Variants in SMG6 observed in about 807,000 individuals in gnomAD.
SMG6 encodes SMG6 nonsense mediated mRNA decay factor.
Under a neutral mutation model 142.2 loss-of-function variants are expected in SMG6, and 66 were observed. That is an observed-to-expected ratio of 0.46 (90% CI 0.38 to 0.57). SMG6 has a LOEUF of 0.57. Among genes scored for constraint, SMG6 ranks in the 20% least tolerant of loss-of-function variants. SMG6 has a pLI of 0.00. For synonymous variants in SMG6, 779 were observed against 702.4 expected, an observed-to-expected ratio of 1.11 and a Z score of -1.72; for missense variants, 1,793 against 1,832.0, an observed-to-expected ratio of 0.98 and a Z score of 0.39.
chr17:2,147,333 C>T (rs2070699835), intron 13 of SMG6, among the ~76,000 whole-genome samples: 1 of 151,826 alleles, frequency 6.6e-6, no homozygotes, highest in Non-Finnish European at 1.5e-5. Context: ...GCAGAGGTTG[C>T]AGTGAGCCAG....
At chr17:2,064,065 G>T (rs772148370) in intron 18 of SMG6, among the ~76,000 whole-genome samples, 1 of 152,166 alleles carries the variant, frequency 6.6e-6, no homozygotes, top group African/African-American at 2.4e-5. Flanking sequence ...GAGGGGCTGT[G>T]TCTGTATGGG....
intron 8 of SMG6, among the ~76,000 whole-genome samples, chr17:2,254,445 G>A (rs558601793): frequency 1.3e-5 from 2 of 152,216 alleles, no homozygotes; most frequent in East Asian, 3.9e-4. Context: ...AGCAACAATC[G>A]TGCCTCAGCT....
At chr17:2,211,408 T>C (rs894246743) in intron 10 of SMG6, among the ~76,000 whole-genome samples, 1 of 152,140 alleles carries the variant, frequency 6.6e-6, no homozygotes, top group African/African-American at 2.4e-5. Flanking sequence ...CTCACGCCTG[T>C]AATCCCAGCA....
At chr17:2,178,352 C>G (rs909529056) in intron 12 of SMG6, among the ~76,000 whole-genome samples, 2 of 152,178 alleles carry the variant, frequency 1.3e-5, no homozygotes, top group African/African-American at 4.8e-5. Context: ...ACACCATCCT[C>G]TAAGAATAAG....
At chr17:2,221,494 A>G (rs1320524972) in intron 10 of SMG6, among the ~76,000 whole-genome samples, 1 of 152,206 alleles carries the variant, frequency 6.6e-6, no homozygotes, top group Non-Finnish European at 1.5e-5. Context: ...TCTTTTCTTT[A>G]TAAATTACCC....
chr17:2,127,138 CAAA>C (rs941523968), intron 13 of SMG6, among the ~76,000 whole-genome samples: 3 of 51,256 alleles, frequency 5.9e-5, no homozygotes, highest in African/African-American at 6.8e-5. Context: ...GACCTTGTCT[CAAA>C]AAAAAAAAAA....
intron 13 of SMG6, among the ~76,000 whole-genome samples, chr17:2,108,729 G>A (rs1324672504): frequency 6.6e-6 from 1 of 152,098 alleles, no homozygotes; most frequent in East Asian, 1.9e-4. Flanking sequence ...TCACCTGAGG[G>A]TTAGGAGTTT....
intron 13 of SMG6, among the ~76,000 whole-genome samples, chr17:2,162,704 C>T (rs2071220413): frequency 6.6e-6 from 1 of 152,058 alleles, no homozygotes; most frequent in Admixed American, 6.6e-5. Flanking sequence ...CACTTATATC[C>T]AGTCATCCAT....
intron 6 of SMG6, among the ~76,000 whole-genome samples, chr17:2,286,921 T>C (rs1251040891): frequency 7.3e-6 from 1 of 136,226 alleles, no homozygotes; most frequent in South Asian, 2.3e-4. Context: ...AAACATAAAA[T>C]AATTTTTTTT....
At chr17:2,190,947 T>C (rs1208149293) in intron 10 of SMG6, among the ~76,000 whole-genome samples, 2 of 152,188 alleles carry the variant, frequency 1.3e-5, no homozygotes, top group East Asian at 1.9e-4. Context: ...TGTCTGAGTG[T>C]TGGTCAGGCC....
Position 2,061,403 on chromosome 17 carries a change from C to T in SMG6, c.*89G>A. 1 of 1,319,046 alleles carries T rather than the reference C, an allele frequency of 7.6e-7. No homozygotes were observed. The highest frequency in any genetic ancestry group is 1.0e-6 in the Non-Finnish European group (1 of 967,422). The allele number at this position is 1,319,046 out of a possible 1,614,324, so 81.7% of individuals were successfully genotyped here. A position where few individuals can be genotyped will look rare whatever the true frequency, so the allele number is the denominator to read the frequency against. Reference sequence around the variant, plus strand: ...TTATTGTCTGGGTGGATTGGTGGCTCAGGCACGTGGGCATCTTCCGTGCTA... The same window carrying T: ...TTATTGTCTGGGTGGATTGGTGGCTTAGGCACGTGGGCATCTTCCGTGCTA... On this transcript the variant is annotated 3_prime_UTR_variant, in exon 19 of 19. Coordinates refer to ENST00000263073, the MANE Select transcript of SMG6 (RefSeq NM_017575.5).
chr17:2,137,213 A>T (rs1021814015), intron 13 of SMG6, among the ~76,000 whole-genome samples: 1 of 152,136 alleles, frequency 6.6e-6, no homozygotes, highest in African/African-American at 2.4e-5. Context: ...CAGGTTACTA[A>T]CCACGGAACG....
chr17:2,063,893 A>G (rs1478105783), intron 18 of SMG6, among the ~76,000 whole-genome samples: 2 of 152,168 alleles, frequency 1.3e-5, no homozygotes, highest in Admixed American at 6.5e-5. Context: ...GACAGAACAT[A>G]ACCTCCTCTG....
intron 8 of SMG6, among the ~76,000 whole-genome samples, chr17:2,246,757 C>T (rs2073936466): frequency 6.6e-6 from 1 of 151,982 alleles, no homozygotes; most frequent in Admixed American, 6.6e-5. Flanking sequence ...ACCAGCCTGG[C>T]CAACACGGTG....
chr17:2,099,632 CACAA>C (rs1170885840), intron 13 of SMG6, among the ~76,000 whole-genome samples: 1 of 152,088 alleles, frequency 6.6e-6, no homozygotes, highest in Non-Finnish European at 1.5e-5. Flanking sequence ...AGTCCTGAAT[CACAA>C]ACATGACCCA....
At chr17:2,108,064 G>GT (rs150036774) in intron 13 of SMG6, among the ~76,000 whole-genome samples, 7,690 of 151,552 alleles carry the variant, frequency 0.051, 272 homozygotes, top group Middle Eastern at 0.1. Flanking sequence ...AATCTAACAG[G>GT]TTTTTTTTTG....
Position 2,298,914 on chromosome 17 carries a change from C to G in SMG6, c.1839G>C (p.Ala613=), listed in dbSNP as rs769624230. ...RISPEGLEKM[A]QLRAELLQLY... Reference sequence around the variant, plus strand: ...AATAGACCACATCATACCTGAGTTGCGCCATCTTCTCCAGGCCCTCCGGAC... The same window carrying G: ...AATAGACCACATCATACCTGAGTTGGGCCATCTTCTCCAGGCCCTCCGGAC... Residue 613 remains alanine (A), a synonymous_variant, in exon 2 of 19, where the codon GCG becomes GCC. Coordinates refer to ENST00000263073, the MANE Select transcript of SMG6 (RefSeq NM_017575.5). 1.9e-6 allele frequency: 3 copies of G among 1,612,270 alleles called. No individual in the cohort carries two copies. In the African/African-American group the frequency reaches 4.0e-5, roughly 22 times the overall value.
chr17:2,078,623 C>T (rs543405534), intron 15 of SMG6, among the ~76,000 whole-genome samples: 10 of 152,062 alleles, frequency 6.6e-5, no homozygotes, highest in African/African-American at 2.4e-4. Flanking sequence ...CTGCCAGCCT[C>T]GGCTGCCCAA....
chr17:2,097,564 T>C (rs1240883636), intron 13 of SMG6, among the ~76,000 whole-genome samples: 3 of 152,196 alleles, frequency 2.0e-5, no homozygotes, highest in Non-Finnish European at 2.9e-5. Flanking sequence ...ACTTTTCTAA[T>C]TGCTAGAAAT....
Sources: gnomAD v4.1 joint callset for allele counts (sites outside exome capture counted in the v4.1 genomes callset) on GRCh38, gnomAD v4.1.1 for gene constraint, MANE v1.5 for transcripts, NCBI Gene and HGNC (gene_info 2026-07-23, HGNC 2026-07-21) for gene names.